RALYL: variants seen among roughly 807,000 people sequenced by gnomAD.
RALYL encodes the protein RNA-binding Raly-like protein.
In RALYL, 29 loss-of-function variants were observed where a neutral mutation model predicts 35.1. The ratio of observed to expected loss-of-function variants is 0.83; its 90% CI spans 0.61 to 1.13. The LOEUF is 1.13. Among genes scored for constraint, RALYL ranks in the 50% most tolerant of loss-of-function variants. The pLI is 0.00. For missense variants in RALYL, 359 were observed against 360.4 expected (o/e 1.00, Z 0.03); for synonymous variants, 120 against 127.6 (o/e 0.94, Z 0.40).
chr8:84,575,779 G>C (rs757892419), intron 2 of RALYL, among the ~76,000 whole-genome samples: 1 of 152,058 alleles, frequency 6.6e-6, no homozygotes, highest in Non-Finnish European at 1.5e-5. Context: ...GACTGCTGTG[G>C]AGACAGAAAG....
At chr8:84,530,087 T>C (rs1280161940) in intron 2 of RALYL, among the ~76,000 whole-genome samples, 2 of 152,190 alleles carry the variant, frequency 1.3e-5, no homozygotes. Context: ...TTGTGTATTA[T>C]ACCTGTATAA....
At chr8:84,463,529 C>A (rs2051079942) in intron 1 of RALYL, among the ~76,000 whole-genome samples, 1 of 151,792 alleles carries the variant, frequency 6.6e-6, no homozygotes, top group Admixed American at 6.6e-5. Flanking sequence ...TCCAAAGAGG[C>A]AATGTACTAT....
chr8:84,588,149 G>T (rs1344392852), intron 2 of RALYL, among the ~76,000 whole-genome samples: 1 of 152,130 alleles, frequency 6.6e-6, no homozygotes, highest in Non-Finnish European at 1.5e-5. Context: ...AAATGTGTAG[G>T]ACCAGTATGT....
At chr8:84,766,848 G>A (rs1814212385) in intron 2 of RALYL, among the ~76,000 whole-genome samples, 1 of 150,918 alleles carries the variant, frequency 6.6e-6, no homozygotes, top group Non-Finnish European at 1.5e-5. Context: ...CTTTTGGTCT[G>A]TATAAATTTA....
chr8:84,734,429 A>T (rs968112994), intron 2 of RALYL, among the ~76,000 whole-genome samples: 14 of 152,304 alleles, frequency 9.2e-5, no homozygotes, highest in Non-Finnish European at 1.8e-4. Context: ...TTTATAAAAT[A>T]ATTCCTTCAC....
chr8:84,840,101 G>C (rs1483167569), intron 4 of RALYL, among the ~76,000 whole-genome samples: 4 of 152,102 alleles, frequency 2.6e-5, no homozygotes, highest in African/African-American at 7.2e-5. Flanking sequence ...ACCAGCAACG[G>C]AACAAAGCTG....
chr8:84,506,306 A>C (rs955670228), intron 1 of RALYL, among the ~76,000 whole-genome samples: 1 of 152,224 alleles, frequency 6.6e-6, no homozygotes, highest in African/African-American at 2.4e-5. Context: ...ATAAAGACGC[A>C]CAGCTTATAG....
intron 2 of RALYL, among the ~76,000 whole-genome samples, chr8:84,531,431 G>A (rs1379000568): frequency 6.6e-6 from 1 of 152,018 alleles, no homozygotes; most frequent in Non-Finnish European, 1.5e-5. Context: ...TGGTCCCATC[G>A]AACTTTCTAT....
intron 1 of RALYL, among the ~76,000 whole-genome samples, chr8:84,352,728 T>C (rs1279389549): frequency 6.7e-6 from 1 of 150,276 alleles, no homozygotes; most frequent in Non-Finnish European, 1.5e-5. Flanking sequence ...CTCATTACAA[T>C]CCTGTGGGTT....
chr8:84,683,676 TTTTTGGTTTTGG>T (rs766083194), intron 2 of RALYL, among the ~76,000 whole-genome samples: 44 of 151,882 alleles, frequency 2.9e-4, no homozygotes, highest in Non-Finnish European at 5.6e-4. Flanking sequence ...TGTTGTTTTG[TTTTTGGTTTTGG>T]TTTTGGTTTT....
At chr8:84,310,937 C>T (rs1842670439) in intron 1 of RALYL, among the ~76,000 whole-genome samples, 1 of 143,646 alleles carries the variant, frequency 7.0e-6, no homozygotes, top group African/African-American at 2.6e-5. Context: ...GTCCCAGCTA[C>T]TCGGGAGGCT....
In RALYL at chr8:84,863,495, T is replaced by C. The variant is rs1342563406; in HGVS notation, c.571+1042T>C. Among the ~76,000 whole-genome samples the C allele has an allele frequency of 2.6e-5, 4 of 152,330 alleles. No individual in the cohort carries two copies. The East Asian group carries it at 7.7e-4, about 29-fold the overall frequency. The stretch of plus-strand genomic sequence containing the variant: ...CCGCCGTAGAGACTTGGATTTACTC[T>C]GCATCCCAACCATTTAAGACAAGTA... On this transcript the variant is annotated intron_variant, in intron 6 of 8. Coordinates refer to ENST00000521268, the MANE Select transcript of RALYL (RefSeq NM_173848.7).
chr8:84,597,244 T>G (rs1814781243), intron 2 of RALYL, among the ~76,000 whole-genome samples: 1 of 152,172 alleles, frequency 6.6e-6, no homozygotes, highest in African/African-American at 2.4e-5. Context: ...TCTGAATCTA[T>G]CATTTTATGA....
intron 6 of RALYL, 48 bp from the exon 7 acceptor site, chr8:84,873,236 T>A: frequency 9.7e-7 from 1 of 1,026,472 alleles, no homozygotes; most frequent in Non-Finnish European, 1.5e-6. Flanking sequence ...AGGTGAGTTA[T>A]GGTGCATTTG....
chr8:84,718,152 G>T (rs1344144823), intron 2 of RALYL, among the ~76,000 whole-genome samples: 1 of 152,048 alleles, frequency 6.6e-6, no homozygotes. Flanking sequence ...AAATACTAGG[G>T]ATCTTCAATC....
chr8:84,776,493 G>T (rs191961777), intron 3 of RALYL, among the ~76,000 whole-genome samples: 1 of 152,270 alleles, frequency 6.6e-6, no homozygotes, highest in Admixed American at 6.5e-5. Flanking sequence ...TTATCAACAA[G>T]AAGCAAATGA....
intron 1 of RALYL, among the ~76,000 whole-genome samples, chr8:84,303,727 C>T (rs1393361749): frequency 2.0e-5 from 3 of 152,126 alleles, no homozygotes; most frequent in Admixed American, 6.5e-5. Context: ...TTTCTATTTT[C>T]TTCTTCAGAA....
intron 1 of RALYL, among the ~76,000 whole-genome samples, chr8:84,196,555 G>A (rs916055813): frequency 4.6e-5 from 7 of 152,120 alleles, no homozygotes; most frequent in Non-Finnish European, 8.8e-5. Context: ...TTTGTGCTAA[G>A]TCTTTGATAT....
At chr8:84,471,955 C>CAATT in intron 1 of RALYL, among the ~76,000 whole-genome samples, 1 of 152,154 alleles carries the variant, frequency 6.6e-6, no homozygotes, top group Non-Finnish European at 1.5e-5. Flanking sequence ...ACAATACTTA[C>CAATT]ACATAGAAAT....
Sources: gnomAD v4.1 joint callset for allele counts (sites outside exome capture counted in the v4.1 genomes callset) on GRCh38, gnomAD v4.1.1 for gene constraint, MANE v1.5 for transcripts, NCBI Gene and HGNC (gene_info 2026-07-23, HGNC 2026-07-21) for gene names.